EWSR1: variants seen among roughly 807,000 people sequenced by gnomAD.
EWSR1 encodes the protein EWS RNA binding protein 1.
EWSR1 carries 14 observed loss-of-function variants against 92.1 expected under a neutral mutation model. That is an observed-to-expected ratio of 0.15 (90% CI 0.10 to 0.24). The LOEUF (loss-of-function observed/expected upper bound fraction) is 0.24. Ranked by LOEUF, EWSR1 falls within the 10% of genes least tolerant of loss-of-function variation. The pLI, the probability that EWSR1 is intolerant of heterozygous loss-of-function variation, is 1.00. For synonymous variants in EWSR1, 303 were observed against 292.9 expected, an observed-to-expected ratio of 1.03 and a Z score of -0.35; for missense variants, 637 against 870.9, an observed-to-expected ratio of 0.73 and a Z score of 3.38.
chr22:29,278,498 C>G (rs1320720921), intron 5 of EWSR1, among the ~76,000 whole-genome samples: 1 of 158 alleles, frequency 6.3e-3, no homozygotes, highest in African/African-American at 0.022. Context: ...ACCAGCCTGG[C>G]CAACATGGGT....
At chr22:29,282,695 T>G (rs1370893319) in intron 6 of EWSR1, 138 bp downstream of exon 6, 1 of 613,664 alleles carries the variant, frequency 1.6e-6, no homozygotes, top group Non-Finnish European at 2.6e-6. Context: ...CCATACTTGG[T>G]TACATTAAAG....
chr22:29,282,495 C>G lies in EWSR1; in HGVS notation c.519C>G (p.Pro173=). ...ATGGACAGAGTAACTACAGTTATCC[C>G]CAGGTACCTGGGAGCTACCCCATGC... The part of the protein sequence containing the change: ...LGYGQSNYSY[P]QVPGSYPMQP... The change falls in exon 6 of 17, where the codon CCC becomes CCG. Residue 173 remains proline (P), a synonymous_variant. Coordinates refer to ENST00000397938, the MANE Select transcript of EWSR1 (RefSeq NM_005243.4). The G allele has an allele frequency of 6.4e-7, 1 of 1,568,490 alleles. No individual in the cohort carries two copies.
chr22:29,272,253 G>A lies in EWSR1; in HGVS notation c.50+1G>A. 6.2e-7 allele frequency: 1 copy of A among 1,614,060 alleles called. No homozygotes were observed. ...ATAGCCAAGCTGCAGCGCAGCAGGG[G>A]TAAGTCAGTCTTTTATAACCGTATT... On this transcript the variant is annotated splice_donor_variant, in intron 2 of 16. Coordinates refer to ENST00000397938, the MANE Select transcript of EWSR1 (RefSeq NM_005243.4). LOFTEE classifies it high-confidence loss of function.
intron 12 of EWSR1, 126 bp from the exon 13 acceptor site, chr22:29,297,701 C>T: frequency 2.3e-6 from 3 of 1,331,130 alleles, no homozygotes; most frequent in Non-Finnish European, 3.1e-6. Context: ...CTGGCCTTGT[C>T]ATTAAAGATC....
chr22:29,273,824 G>A lies in EWSR1; in HGVS notation c.186G>A (p.Gly62=). ...YTQAQTTATY[G]QTAYATSYGQ... The stretch of plus-strand genomic sequence containing the variant: ...AGGCTCAGACCACTGCAACCTATGG[G>A]CAGACCGCCTATGCAACTTCTTATG... Residue 62 remains glycine, a synonymous_variant, in exon 4 of 17, where the codon GGG becomes GGA. Coordinates refer to ENST00000397938, the MANE Select transcript of EWSR1 (RefSeq NM_005243.4). 6.2e-7 allele frequency: 1 copy of A among 1,614,014 alleles called. No homozygotes were observed. The highest frequency in any genetic ancestry group is 8.5e-7 in the Non-Finnish European group (1 of 1,179,946).
intron 11 of EWSR1, 149 bp downstream of exon 11, chr22:29,292,755 G>C (rs879184544): frequency 3.1e-6 from 1 of 318,736 alleles, no homozygotes. Flanking sequence ...TTTTAAAAAA[G>C]ATTAGCCTTT....
At chr22:29,292,735 G>T in intron 11 of EWSR1, 129 bp downstream of exon 11, 4 of 529,488 alleles carry the variant, frequency 7.6e-6, no homozygotes, top group South Asian at 3.7e-5. Flanking sequence ...GTATCTTATG[G>T]TTTGTTCCTT....
At chr22:29,268,725 A>G (rs573445360) in intron 1 of EWSR1, among the ~76,000 whole-genome samples, 10 of 152,324 alleles carry the variant, frequency 6.6e-5, no homozygotes, top group Non-Finnish European at 1.0e-4. Flanking sequence ...GCCGGTCACT[A>G]TGAAACCGCC....
Position 29,299,285 on chromosome 22 carries a change from G to T in EWSR1, c.1632G>T (p.Lys544Asn). 1 of 1,614,054 alleles carries T rather than the reference G, an allele frequency of 6.2e-7. No individual in the cohort carries two copies. The highest frequency in any genetic ancestry group is 8.5e-7 in the Non-Finnish European group (1 of 1,179,938). Residue 544 changes from lysine to asparagine, a missense_variant, in exon 15 of 17, where the codon AAG becomes AAT. Lys to Asn is a moderately conservative substitution (Grantham distance 94). This residue lies in a region of EWSR1 where 363 missense variants were observed against 447.8 expected (regional missense o/e 0.81). Coordinates refer to ENST00000397938, the MANE Select transcript of EWSR1 (RefSeq NM_005243.4). ...GGAGAACAGAGTGCAACCAGTGTAA[G>T]GCCCCAAAGCCTGAAGGCTTCCTCC... ...FAWRTECNQC[K>N]APKPEGFLPP...
In EWSR1 at chr22:29,296,335, C is replaced by T. The variant is rs1569115465; in HGVS notation, c.1261C>T (p.Pro421Ser). ...GDATVSYEDP[P>S]TAKAAVEWFD... The stretch of plus-strand genomic sequence containing the variant: ...TGCCACAGTGTCCTATGAAGACCCA[C>T]CCACTGCCAAGGCTGCCGTGGAATG... Residue 421 changes from proline (P) to serine (S), a missense_variant, in exon 12 of 17, where the codon CCC (proline) becomes TCC (serine). This residue lies in a region of EWSR1 where 363 missense variants were observed against 447.8 expected (regional missense o/e 0.81). Transcript: ENST00000397938. The T allele has an allele frequency of 6.8e-6, 11 of 1,614,178 alleles. No individual in the cohort carries two copies. Among genetic ancestry groups the T allele is most frequent in the African/African-American group, 1.3e-5 (1 of 75,054 alleles).
At chr22:29,274,306 G>A (rs761496083) in intron 4 of EWSR1, 1 of 1,613,280 alleles carries the variant, frequency 6.2e-7, no homozygotes, top group Admixed American at 1.7e-5. Context: ...GCTCATTCTT[G>A]CATGGGAAAT....
chr22:29,289,861 A>G (rs754298219), intron 8 of EWSR1: 2 of 231,286 alleles, frequency 8.6e-6, no homozygotes, highest in Non-Finnish European at 1.7e-5. Flanking sequence ...GAAGAAAGTC[A>G]TTTGACAACA....
At chr22:29,293,142 G>A (rs2060573280) in intron 11 of EWSR1, among the ~76,000 whole-genome samples, 1 of 152,092 alleles carries the variant, frequency 6.6e-6, no homozygotes, top group Admixed American at 6.6e-5. Context: ...TGAGGTAGCT[G>A]GACTTATAGG....
At chr22:29,287,273 A>G (rs1324382793) in intron 7 of EWSR1, 139 bp downstream of exon 7, 1 of 813,094 alleles carries the variant, frequency 1.2e-6, no homozygotes, top group Non-Finnish European at 2.0e-6. Flanking sequence ...CAGTGGTGCC[A>G]TCTCAGCTCA....
intron 1 of EWSR1, among the ~76,000 whole-genome samples, chr22:29,268,875 A>G (rs1397733725): frequency 6.6e-6 from 1 of 152,226 alleles, no homozygotes; most frequent in South Asian, 2.1e-4. Context: ...GAGCCCCGTC[A>G]TCCTTAAGAC....
intron 15 of EWSR1, 114 bp downstream of exon 15, chr22:29,299,445 GTCC>G: frequency 6.7e-7 from 1 of 1,498,126 alleles, no homozygotes; most frequent in Non-Finnish European, 8.9e-7. Context: ...GAGTTGTCGT[GTCC>G]TCATTTCTAA....
intron 5 of EWSR1, among the ~76,000 whole-genome samples, chr22:29,280,541 G>T (rs751972169): frequency 6.6e-6 from 1 of 152,160 alleles, no homozygotes; most frequent in Non-Finnish European, 1.5e-5. Flanking sequence ...GTTCATCTGA[G>T]CAGGGACTTG....
At chr22:29,291,008 AT>A (rs1250999509) in intron 8 of EWSR1, 18 of 236,516 alleles carry the variant, frequency 7.6e-5, no homozygotes, top group Non-Finnish European at 1.4e-4. Context: ...TGTTAAATCT[AT>A]TCGTGCCCTG....
At chr22:29,269,313 G>A (rs1360213939) in intron 1 of EWSR1, 3 of 152,194 alleles carry the variant, frequency 2.0e-5, no homozygotes, top group Non-Finnish European at 4.4e-5. Flanking sequence ...CAGAGGAGAG[G>A]GGAAAAAAGG....
Sources: gnomAD v4.1 joint callset for allele counts (sites outside exome capture counted in the v4.1 genomes callset) on GRCh38, gnomAD v4.1.1 for gene constraint, gnomAD v4.1.1 regional missense constraint, MANE v1.5 for transcripts, NCBI Gene and HGNC (gene_info 2026-07-23, HGNC 2026-07-21) for gene names.